The following ANKRD27 variants were observed in gnomAD, a reference collection of about 807,000 sequenced individuals.
The protein encoded by ANKRD27 is ankyrin repeat domain-containing protein 27.
A neutral mutation model predicts 129.7 loss-of-function variants in ANKRD27; 112 were observed. The observed-to-expected ratio is 0.86, with a 90% CI of 0.74 to 1.01. The LOEUF is 1.01. Among genes scored for constraint, ANKRD27 ranks in the 50% least tolerant of loss-of-function variants. ANKRD27 has a pLI of 0.00. For synonymous variants in ANKRD27, 516 were observed against 511.2 expected, an observed-to-expected ratio of 1.01 and a Z score of -0.13; for missense variants, 1,258 against 1,300.5, an observed-to-expected ratio of 0.97 and a Z score of 0.50.
Position 32,626,717 on chromosome 19 carries a change from C to T in ANKRD27, c.1531G>A (p.Val511Met), listed in dbSNP as rs768131117. The T allele has an allele frequency of 1.9e-5, 31 of 1,606,034 alleles. No individual in the cohort carries two copies. The highest frequency in any genetic ancestry group is 8.5e-5 in the Admixed American group (5 of 58,930). ...HLACQKGYQSVTLLLLHYKAS... is the reference protein window; with the variant it reads ...HLACQKGYQSMTLLLLHYKAS... ...ACAAAGGCACCACTGCTCACCGTCA[C>T]GCTCTGGTAGCCCTTCTGACAGGCC... Residue 511 changes from valine to methionine, a missense_variant, in exon 16 of 29, where the codon GTG (valine) becomes ATG (methionine). Val to Met is a conservative substitution (Grantham distance 21). Transcript: ENST00000306065.
At chr19:32,641,493 C>G (rs1034444613) in intron 10 of ANKRD27, among the ~76,000 whole-genome samples, 3 of 152,106 alleles carry the variant, frequency 2.0e-5, no homozygotes, top group Admixed American at 2.0e-4. Flanking sequence ...TACAAAAGAG[C>G]AAACTGTGAA....
rs144481118 is a variant in ANKRD27 at position 32,617,390 on chromosome 19, G to A, written c.2052+199C>T. Among the ~76,000 whole-genome samples the A allele has an allele frequency of 2.2e-4, 33 of 152,104 alleles. No individual in the cohort carries two copies. In the East Asian group the frequency reaches 4.7e-3, roughly 21 times the overall value. Reference sequence around the variant, plus strand: ...AAGACCTTATCTCTACAAAAAATTTGTTTATGATTAGCCAGGCATGGCCGC... The same window carrying A: ...AAGACCTTATCTCTACAAAAAATTTATTTATGATTAGCCAGGCATGGCCGC... On this transcript the variant is annotated intron_variant, in intron 21 of 28. Coordinates refer to ENST00000306065, the MANE Select transcript of ANKRD27 (RefSeq NM_032139.3).
intron 24 of ANKRD27, among the ~76,000 whole-genome samples, chr19:32,605,082 C>T (rs1009743232): frequency 1.3e-5 from 2 of 151,820 alleles, no homozygotes; most frequent in East Asian, 1.9e-4. Context: ...AAAGAGAAAA[C>T]AATACTTGGC....
chr19:32,648,095 G>A (rs1311282348), intron 3 of ANKRD27, among the ~76,000 whole-genome samples: 5 of 152,160 alleles, frequency 3.3e-5, no homozygotes, highest in South Asian at 2.1e-4. Flanking sequence ...GTGAAACCCC[G>A]TCTCTATTAA....
At chr19:32,660,042 T>C (rs1046004674) in intron 1 of ANKRD27, among the ~76,000 whole-genome samples, 4 of 152,216 alleles carry the variant, frequency 2.6e-5, no homozygotes, top group Admixed American at 1.3e-4. Flanking sequence ...GAGGATCCGC[T>C]TAAGACCAGG....
At chr19:32,640,587 A>G (rs528879885) in intron 10 of ANKRD27, among the ~76,000 whole-genome samples, 1 of 152,342 alleles carries the variant, frequency 6.6e-6, no homozygotes, top group Admixed American at 6.5e-5. Context: ...CAGCAATTTC[A>G]GAACATGACC....
chr19:32,621,489 G>C (rs781493350), intron 18 of ANKRD27, among the ~76,000 whole-genome samples: 2 of 152,148 alleles, frequency 1.3e-5, no homozygotes, highest in Non-Finnish European at 2.9e-5. Context: ...TTAACCAGGT[G>C]TGGTGGTGGG....
In ANKRD27 at chr19:32,626,685, GC is replaced by G. The variant is rs751469393; in HGVS notation, c.1536+26del. The stretch of plus-strand genomic sequence containing the variant: ...CCAAGCTCACAGGAGCAAAGCGACA[GC>G]CCGCCACAAAGGCACCACTGCTCAC... On this transcript the variant is annotated intron_variant, in intron 16 of 28. Coordinates refer to ENST00000306065, the MANE Select transcript of ANKRD27 (RefSeq NM_032139.3). 1.8e-5 allele frequency: 28 copies of G among 1,542,550 alleles called. No homozygotes were observed. The South Asian group carries it at 3.3e-4, about 18-fold the overall frequency.
chr19:32,654,541 T>C (rs1967482848), intron 2 of ANKRD27, among the ~76,000 whole-genome samples: 1 of 152,218 alleles, frequency 6.6e-6, no homozygotes, highest in Non-Finnish European at 1.5e-5. Context: ...TGTGGGTCCA[T>C]GTCCCTCCTC....
Position 32,646,685 on chromosome 19 carries a change from G to A in ANKRD27, c.214-70C>T, listed in dbSNP as rs113030705. On this transcript the variant is annotated intron_variant, in intron 3 of 28. Transcript: ENST00000306065. ...ACATCCCACTCTCAGCCTGGCCCCC[G>A]ATGCAGCACTTAACCAGACCCTACG... is the stretch of plus-strand genomic sequence containing the variant. 8.7e-5 allele frequency: 133 copies of A among 1,533,200 alleles called. 3 individuals are homozygous for A. The South Asian group carries it at 1.1e-3, about 13-fold the overall frequency. The allele number at this position is 1,533,200 out of a possible 1,614,324, so 95.0% of individuals were successfully genotyped here. A position where few individuals can be genotyped will look rare whatever the true frequency, so the allele number is the denominator to read the frequency against.
rs916615481 is a variant in ANKRD27, at chr19:32,633,427, G to C, written c.1117-1933C>G. 5.4e-5 allele frequency among the ~76,000 whole-genome samples: 8 copies of C among 148,232 alleles called. 1 individual carries two copies. Among genetic ancestry groups the C allele is most frequent in the African/African-American group, 2.0e-4 (8 of 40,236 alleles). Reference sequence around the variant, plus strand: ...AGCTCACTACAGCCTTGAACTACCAGGTTCAAGTGATCCTCCCACCTTAGC... The same window carrying C: ...AGCTCACTACAGCCTTGAACTACCACGTTCAAGTGATCCTCCCACCTTAGC... On this transcript the variant is annotated intron_variant, in intron 12 of 28. Coordinates refer to ENST00000306065, the MANE Select transcript of ANKRD27 (RefSeq NM_032139.3).
At chr19:32,646,836 T>C (rs1035880553) in intron 3 of ANKRD27, among the ~76,000 whole-genome samples, 4 of 152,160 alleles carry the variant, frequency 2.6e-5, no homozygotes, top group Non-Finnish European at 5.9e-5. Flanking sequence ...TCATTTCTAT[T>C]TTCTTTTGAG....
chr19:32,616,503 A>G (rs1170508075), intron 21 of ANKRD27, among the ~76,000 whole-genome samples: 1 of 149,608 alleles, frequency 6.7e-6, no homozygotes, highest in Non-Finnish European at 1.5e-5. Context: ...CAGTGAGCTG[A>G]GATCATGCCA....
At chr19:32,666,266 A>G (rs1469879933) in intron 1 of ANKRD27, 1 of 152,246 alleles carries the variant, frequency 6.6e-6, no homozygotes, top group African/African-American at 2.4e-5. Flanking sequence ...TAAAAGCAAA[A>G]GCCAAATGGA....
At chr19:32,656,531 A>C (rs2839726) in intron 2 of ANKRD27, among the ~76,000 whole-genome samples, 1 of 152,208 alleles carries the variant, frequency 6.6e-6, no homozygotes, top group East Asian at 1.9e-4. Context: ...TCATGCCTGT[A>C]ATCCCAGCAC....
chr19:32,639,993 G>A (rs1267870527), intron 11 of ANKRD27, among the ~76,000 whole-genome samples: 4 of 151,782 alleles, frequency 2.6e-5, no homozygotes, highest in African/African-American at 4.8e-5. Flanking sequence ...ACGGAGTCTC[G>A]CTATGTCGCC....
intron 26 of ANKRD27, among the ~76,000 whole-genome samples, chr19:32,600,686 T>A (rs1223709793): frequency 6.6e-6 from 1 of 152,154 alleles, no homozygotes; most frequent in South Asian, 2.1e-4. Flanking sequence ...GCATTTGAGA[T>A]AGGGGGTAGT....
At chr19:32,662,991 G>A (rs886864522) in intron 1 of ANKRD27, among the ~76,000 whole-genome samples, 3 of 152,104 alleles carry the variant, frequency 2.0e-5, no homozygotes, top group Non-Finnish European at 2.9e-5. Flanking sequence ...GCAGTGAGCC[G>A]AGATCACGCC....
chr19:32,651,982 A>T (rs1967425545), intron 2 of ANKRD27, among the ~76,000 whole-genome samples: 1 of 152,208 alleles, frequency 6.6e-6, no homozygotes, highest in African/African-American at 2.4e-5. Flanking sequence ...TTTCATAGCA[A>T]CCAGAAGCCA....
Sources: allele counts gnomAD v4.1 joint callset (sites outside exome capture counted in the v4.1 genomes callset), GRCh38; gene constraint gnomAD v4.1.1; transcripts MANE v1.5; gene names NCBI Gene and HGNC (gene_info 2026-07-23, HGNC 2026-07-21).